Variants in LIMCH1 observed in about 807,000 individuals in gnomAD.
LIMCH1 encodes LIM and calponin homology domains 1, also known as LIM and calponin homology domains-containing protein 1.
LIMCH1 carries 113 observed loss-of-function variants against 176.5 expected under a neutral mutation model. The observed-to-expected ratio is 0.64, with a 90% CI of 0.55 to 0.75. The LOEUF is 0.75. Ranked by LOEUF, LIMCH1 falls within the 30% of genes least tolerant of loss-of-function variation. The probability of loss-of-function intolerance (pLI) is 0.00; values close to 1 mark genes in which losing one functional copy is unlikely to be tolerated. For synonymous variants in LIMCH1, 619 were observed against 645.9 expected (o/e 0.96, Z 0.63); for missense variants, 1,674 against 1,814.9 (o/e 0.92, Z 1.41).
chr4:41,375,501 TA>T (rs1304757146), intron 1 of LIMCH1, among the ~76,000 whole-genome samples: 1 of 152,234 alleles, frequency 6.6e-6, no homozygotes, highest in Non-Finnish European at 1.5e-5. Flanking sequence ...ACTGTAACTT[TA>T]AAAAAATGTT....
chr4:41,489,472 A>G (rs2070332041), intron 1 of LIMCH1, among the ~76,000 whole-genome samples: 1 of 151,996 alleles, frequency 6.6e-6, no homozygotes, highest in African/African-American at 2.4e-5. Context: ...CTTTCCATAC[A>G]TTTTGATATT....
At chr4:41,581,251 C>A (rs913278553) in intron 1 of LIMCH1, among the ~76,000 whole-genome samples, 1 of 151,902 alleles carries the variant, frequency 6.6e-6, no homozygotes, top group Non-Finnish European at 1.5e-5. Flanking sequence ...ATGTATACAC[C>A]GTGAAATGAC....
intron 10 of LIMCH1, 140 bp downstream of exon 10, chr4:41,631,617 C>T (rs904681286): frequency 8.2e-5 from 56 of 682,042 alleles, no homozygotes; most frequent in Admixed American, 6.1e-4. Context: ...GTAATGTTAG[C>T]GGGTCCCCCT....
intron 1 of LIMCH1, among the ~76,000 whole-genome samples, chr4:41,450,538 A>C (rs558607819): frequency 7.2e-5 from 11 of 151,966 alleles, no homozygotes; most frequent in African/African-American, 2.2e-4. Flanking sequence ...GTGGTGGCTC[A>C]CACCTGTAAT....
intron 1 of LIMCH1, among the ~76,000 whole-genome samples, chr4:41,439,528 G>A (rs1354426064): frequency 6.6e-6 from 1 of 152,106 alleles, no homozygotes; most frequent in Non-Finnish European, 1.5e-5. Context: ...AGGCTGCAGT[G>A]AGTTGTGATT....
intron 1 of LIMCH1, among the ~76,000 whole-genome samples, chr4:41,399,551 A>C (rs761311754): frequency 7.9e-5 from 12 of 152,196 alleles, no homozygotes; most frequent in Non-Finnish European, 1.2e-4. Context: ...GAGAAGAGGT[A>C]ATATAATGTA....
chr4:41,655,753 T>C (rs2152960138), intron 18 of LIMCH1, among the ~76,000 whole-genome samples: 1 of 152,060 alleles, frequency 6.6e-6, no homozygotes, highest in South Asian at 2.1e-4. Context: ...CTAGCAATTC[T>C]CCGGGGCTCA....
Position 41,650,424 on chromosome 4 carries a change from C to T in LIMCH1, c.2852C>T (p.Thr951Met), listed in dbSNP as rs562812091. The part of the protein sequence containing the change: ...VDGKVSVNGE[T>M]VHREEEKERE... Reference sequence around the variant, plus strand: ...GGGAAAGTCAGTGTGAATGGAGAGACGGTTCATAGAGAGGAGGAGAAGGAA... The same window carrying T: ...GGGAAAGTCAGTGTGAATGGAGAGATGGTTCATAGAGAGGAGGAGAAGGAA... The change falls in exon 18 of 32, where the codon ACG becomes ATG. Residue 951 changes from threonine (T) to methionine (M), a missense_variant. Physicochemically the swap from Thr to Met is moderately conservative, Grantham distance 81. Around this residue, in one of 3 missense-constraint regions of LIMCH1, gnomAD observed 1,015 missense variants for 1,102.5 expected, o/e 0.92. Transcript: ENST00000503057. 24 of 1,613,946 alleles carry T rather than the reference C, an allele frequency of 1.5e-5. 1 individual carries two copies. The highest frequency in any genetic ancestry group is 1.2e-4 in the Admixed American group (7 of 60,018).
chr4:41,500,828 C>T (rs1336239954), intron 2 of LIMCH1, among the ~76,000 whole-genome samples: 1 of 152,128 alleles, frequency 6.6e-6, no homozygotes, highest in Admixed American at 6.5e-5. Flanking sequence ...AGGTTCAATA[C>T]AAGTGAGGGC....
chr4:41,567,130 A>G (rs1464953284), intron 1 of LIMCH1, among the ~76,000 whole-genome samples: 1 of 152,190 alleles, frequency 6.6e-6, no homozygotes, highest in Non-Finnish European at 1.5e-5. Context: ...GGGTCTGCAT[A>G]AGAAGGCAGA....
At chr4:41,404,210 C>T (rs2058738626) in intron 1 of LIMCH1, among the ~76,000 whole-genome samples, 1 of 152,134 alleles carries the variant, frequency 6.6e-6, no homozygotes, top group Non-Finnish European at 1.5e-5. Context: ...ATATCTCCAA[C>T]TATGACCACC....
chr4:41,671,616 A>T (rs1279768548), intron 22 of LIMCH1, 22 bp downstream of exon 22: 1 of 1,514,754 alleles, frequency 6.6e-7, no homozygotes, highest in Non-Finnish European at 9.2e-7. Flanking sequence ...ATTTTAAGGA[A>T]TAAGATTATG....
At chr4:41,645,975 A>C (rs1233147760) in intron 15 of LIMCH1, 148 bp from the exon 16 acceptor site, 1 of 753,828 alleles carries the variant, frequency 1.3e-6, no homozygotes, top group African/African-American at 1.8e-5. Flanking sequence ...CCAGACTTAC[A>C]TTGGATTGTG....
At chr4:41,685,600 G>A (rs1241495046) in intron 27 of LIMCH1, 110 bp from the exon 28 acceptor site, 4 of 1,298,390 alleles carry the variant, frequency 3.1e-6, no homozygotes, top group Non-Finnish European at 4.4e-6. Flanking sequence ...TGACCTGCAT[G>A]AAATCGCTAT....
At chr4:41,476,508 G>A (rs1300898029) in intron 1 of LIMCH1, among the ~76,000 whole-genome samples, 1 of 152,232 alleles carries the variant, frequency 6.6e-6, no homozygotes, top group African/African-American at 2.4e-5. Context: ...ACCACACTCT[G>A]CATCAGCAAT....
chr4:41,628,552 A>G (rs2093124573), intron 8 of LIMCH1, among the ~76,000 whole-genome samples: 1 of 152,182 alleles, frequency 6.6e-6, no homozygotes, highest in African/African-American at 2.4e-5. Context: ...CATCAAGGTA[A>G]CAAAAGACTA....
In LIMCH1 at chr4:41,543,183, C is replaced by T. The variant is rs914207335; in HGVS notation, c.-241+4833C>T. ...TCTTCCTCAATAAAGAGTATTTGTT[C>T]CTAAAATAACTGGTGTCCTTCAAGG... On this transcript the variant is annotated intron_variant, in intron 1 of 31. Transcript: ENST00000503057. Among the ~76,000 whole-genome samples the T allele has an allele frequency of 5.3e-5, 8 of 152,158 alleles. No individual in the cohort carries two copies. In the East Asian group the frequency reaches 1.4e-3, roughly 26 times the overall value.
At chr4:41,360,026 GGTGTGTGTGT>G (rs35179191), upstream of LIMCH1, among the ~76,000 whole-genome samples, 5 of 145,772 alleles carry the variant, frequency 3.4e-5, no homozygotes, top group East Asian at 2.0e-4. The surrounding 1 kb of genome is among the most constrained non-coding windows in gnomAD (Gnocchi z 4.5). Context: ...GGGTGTGTAG[GGTGTGTGTGT>G]GTGTGTGTGT....
chr4:41,408,337 A>C (rs2059171923), intron 1 of LIMCH1, among the ~76,000 whole-genome samples: 1 of 152,142 alleles, frequency 6.6e-6, no homozygotes, highest in Non-Finnish European at 1.5e-5. Flanking sequence ...TACTCATGTG[A>C]ACTCCCTTTG....
Sources: allele counts gnomAD v4.1 joint callset (sites outside exome capture counted in the v4.1 genomes callset), GRCh38; gene constraint gnomAD v4.1.1; regional missense constraint gnomAD v4.1.1; non-coding constraint Gnocchi (gnomAD v3.1); transcripts MANE v1.5; gene names NCBI Gene and HGNC (gene_info 2026-07-23, HGNC 2026-07-21).